STPG2: variants seen among roughly 807,000 people sequenced by gnomAD.
The protein encoded by STPG2 is sperm tail PG-rich repeat containing 2.
In STPG2, 56 loss-of-function variants were observed where a neutral mutation model predicts 54.2. The observed-to-expected ratio is 1.03, with a 90% confidence interval of 0.83 to 1.29. The LOEUF (loss-of-function observed/expected upper bound fraction) is 1.29, where lower values mean the gene tolerates loss of function less well. STPG2 is among the 50% of genes most tolerant of loss of function. STPG2 has a pLI of 0.00. For synonymous variants in STPG2, 200 were observed against 181.8 expected, an observed-to-expected ratio of 1.10 and a Z score of -0.81; for missense variants, 596 against 544.9, an observed-to-expected ratio of 1.09 and a Z score of -0.93.
rs112328341 is a variant in STPG2, at chr4:97,848,330, T to A, written c.1045-7398A>T. ...ACCATATATATTTGAAATTTACTAC[T>A]TTGCTTACATAAGGGCAAGAAAAAG... On this transcript the variant is annotated intron_variant, in intron 8 of 10. Coordinates refer to ENST00000295268, the MANE Select transcript of STPG2 (RefSeq NM_174952.3). Among the ~76,000 whole-genome samples the A allele has an allele frequency of 5.7e-3, 861 of 152,246 alleles. 5 individuals are homozygous for A. The highest frequency in any genetic ancestry group is 0.02 in the Middle Eastern group (6 of 294).
chr4:97,760,800 G>C (rs10014284), intron 9 of STPG2, among the ~76,000 whole-genome samples: 59,043 of 152,000 alleles, frequency 0.39, 11,611 homozygotes, highest in Middle Eastern at 0.45. Flanking sequence ...TTACAGCTTT[G>C]GAGGTCAGAA....
At chr4:97,453,838 T>C (rs1445805863) in intron 4 of STPG2, among the ~76,000 whole-genome samples, 1 of 152,170 alleles carries the variant, frequency 6.6e-6, no homozygotes, top group African/African-American at 2.4e-5. Flanking sequence ...ATAGTCAACT[T>C]TGTTTCAGAC....
At chr4:97,931,514 G>C (rs191254271) in intron 8 of STPG2, among the ~76,000 whole-genome samples, 226 of 152,268 alleles carry the variant, frequency 1.5e-3, no homozygotes, top group African/African-American at 5.3e-3. Flanking sequence ...AAACAACCTT[G>C]AATCCTGGAA....
chr4:97,929,493 A>G (rs1215438372), intron 8 of STPG2, among the ~76,000 whole-genome samples: 2 of 152,164 alleles, frequency 1.3e-5, no homozygotes, highest in Non-Finnish European at 2.9e-5. Flanking sequence ...ACTCCCACCA[A>G]CACTCTACAA....
At chr4:97,783,279 A>G (rs2034614240) in intron 9 of STPG2, among the ~76,000 whole-genome samples, 1 of 152,248 alleles carries the variant, frequency 6.6e-6, no homozygotes, top group African/African-American at 2.4e-5. Flanking sequence ...ATGAACAGCC[A>G]CTTCTCAAAG....
At chr4:97,846,436 C>A (rs886441031) in intron 8 of STPG2, among the ~76,000 whole-genome samples, 7 of 151,790 alleles carry the variant, frequency 4.6e-5, no homozygotes, top group African/African-American at 1.7e-4. Context: ...ACCAGCCTGA[C>A]CAACATGGTG....
intron 9 of STPG2, among the ~76,000 whole-genome samples, chr4:97,821,447 C>A (rs891892739): frequency 3.3e-5 from 5 of 152,164 alleles, no homozygotes; most frequent in African/African-American, 1.2e-4. Flanking sequence ...GTACAAGCTG[C>A]AAGTGGATCT....
intron 1 of STPG2, among the ~76,000 whole-genome samples, chr4:98,142,038 T>C (rs1164197854): frequency 1.3e-5 from 2 of 151,878 alleles, no homozygotes; most frequent in African/African-American, 4.8e-5. Flanking sequence ...AAATTAAGGA[T>C]TGCAAAGTGT....
chr4:97,702,593 A>G (rs1723811041), intron 10 of STPG2, among the ~76,000 whole-genome samples: 1 of 152,154 alleles, frequency 6.6e-6, no homozygotes, highest in African/African-American at 2.4e-5. Context: ...TGCCTCAGGT[A>G]GTGCAGGGTT....
At chr4:97,667,008 C>T (rs936265375) in intron 10 of STPG2, among the ~76,000 whole-genome samples, 3 of 152,192 alleles carry the variant, frequency 2.0e-5, no homozygotes, top group Admixed American at 2.0e-4. Context: ...ACCATCATCA[C>T]TACCACCATC....
In STPG2 at chr4:97,969,291, C is replaced by A. The variant is rs942184471; in HGVS notation, c.933+2989G>T. ...CTGTTAGGAATTGCTGATGCACACA[C>A]TATGTCGTAAATTCTTATTTCTGTA... On this transcript the variant is annotated intron_variant, in intron 7 of 10. Transcript: ENST00000295268. Among the ~76,000 whole-genome samples, 4 of 152,202 alleles carry A rather than the reference C, an allele frequency of 2.6e-5. No individual in the cohort carries two copies. In the East Asian group the frequency reaches 7.7e-4, roughly 29 times the overall value.
At position 97,699,209 on chromosome 4, in the gene STPG2, T is replaced by C. The variant is rs565140112; in HGVS notation, c.1320+13490A>G. ...CTGCAGCCAGGTCTGCCTTGGTGAG[T>C]GGAAATCCATGTTGTTGAGCCCATG... On this transcript the variant is annotated intron_variant, in intron 10 of 10. Coordinates refer to ENST00000295268, the MANE Select transcript of STPG2 (RefSeq NM_174952.3). 4.1e-3 allele frequency among the ~76,000 whole-genome samples: 626 copies of C among 152,186 alleles called. 3 individuals are homozygous for C. Among genetic ancestry groups the C allele is most frequent in the South Asian group, 0.02 (97 of 4,814 alleles).
intron 7 of STPG2, among the ~76,000 whole-genome samples, chr4:97,948,711 G>C (rs1175756555): frequency 6.6e-6 from 1 of 151,904 alleles, no homozygotes; most frequent in Non-Finnish European, 1.5e-5. Context: ...TCTATGTATA[G>C]GTATAGTTTT....
intron 10 of STPG2, among the ~76,000 whole-genome samples, chr4:97,668,624 TAAAG>T (rs1305429747): frequency 2.7e-5 from 2 of 72,982 alleles, no homozygotes; most frequent in Admixed American, 1.8e-4. Context: ...GGTCAAAGAA[TAAAG>T]GAAGGAAGGA....
chr4:97,737,113 A>T (rs1478925726), intron 9 of STPG2, among the ~76,000 whole-genome samples: 2 of 152,180 alleles, frequency 1.3e-5, no homozygotes, highest in African/African-American at 2.4e-5. Context: ...TCTGGAGTGG[A>T]CCTCTAGCAA....
intron 5 of STPG2, among the ~76,000 whole-genome samples, chr4:98,008,291 A>T (rs540551990): frequency 7.4e-6 from 1 of 134,536 alleles, no homozygotes; most frequent in African/African-American, 2.8e-5. Flanking sequence ...ACTTATTTTC[A>T]GAATTCTGAA....
intron 9 of STPG2, among the ~76,000 whole-genome samples, chr4:97,753,715 G>A (rs1232192667): frequency 2.6e-5 from 4 of 151,960 alleles, no homozygotes; most frequent in African/African-American, 9.7e-5. Flanking sequence ...TAGCCAACCT[G>A]GTAGGTGTGA....
At chr4:97,671,829 C>A (rs888243366) in intron 10 of STPG2, among the ~76,000 whole-genome samples, 1 of 152,072 alleles carries the variant, frequency 6.6e-6, no homozygotes, top group African/African-American at 2.4e-5. Flanking sequence ...AGAACCTAGA[C>A]CAGTGGCCTC....
intron 4 of STPG2, among the ~76,000 whole-genome samples, chr4:97,462,473 T>C (rs1729687180): frequency 6.6e-6 from 1 of 152,040 alleles, no homozygotes; most frequent in Admixed American, 6.5e-5. Flanking sequence ...TGGGATTACA[T>C]TGAATTTATT....
Sources: gnomAD v4.1 joint callset for allele counts (sites outside exome capture counted in the v4.1 genomes callset) on GRCh38, gnomAD v4.1.1 for gene constraint, MANE v1.5 for transcripts, NCBI Gene and HGNC (gene_info 2026-07-23, HGNC 2026-07-21) for gene names.